LINGO2: variants seen among roughly 807,000 people sequenced by gnomAD.
LINGO2 encodes leucine rich repeat and Ig domain containing 2, also known as leucine-rich repeat and immunoglobulin-like domain-containing nogo receptor-interacting protein 2.
In LINGO2, 14 loss-of-function variants were observed where a neutral mutation model predicts 30.6. The ratio of observed to expected loss-of-function variants is 0.46; its 90% CI spans 0.30 to 0.72. The LOEUF is 0.72. LINGO2 is among the 30% of genes least tolerant of loss of function. LINGO2 has a pLI of 0.07. For synonymous variants in LINGO2, 317 were observed against 288.5 expected, an observed-to-expected ratio of 1.10 and a Z score of -1.00; for missense variants, 729 against 751.7, an observed-to-expected ratio of 0.97 and a Z score of 0.35.
chr9:28,130,075 T>C lies in LINGO2; in HGVS notation c.-86-117670A>G, dbSNP rs1030612793. The stretch of plus-strand genomic sequence containing the variant: ...TTTCAGCGTCTCATGAATATAGTTA[T>C]TGATCTTCAGGTAAACTCTTGGGGA... On this transcript the variant is annotated intron_variant, in intron 4 of 5. Transcript: ENST00000379992. This position sits in a 1 kb window ranked among gnomAD's most constrained non-coding sequence, Gnocchi z 5.2. Among the ~76,000 whole-genome samples the C allele has an allele frequency of 4.6e-5, 7 of 152,236 alleles. No homozygotes were observed. The highest frequency in any genetic ancestry group is 1.0e-4 in the Non-Finnish European group (7 of 68,040).
chr9:28,029,261 C>T (rs779552426), intron 4 of LINGO2, among the ~76,000 whole-genome samples: 7 of 152,070 alleles, frequency 4.6e-5, no homozygotes, highest in Non-Finnish European at 7.4e-5. Context: ...GTATAAAATG[C>T]GAGGTCAGAT....
intron 3 of LINGO2, among the ~76,000 whole-genome samples, chr9:28,333,632 T>C (rs1256916483): frequency 6.6e-6 from 1 of 152,160 alleles, no homozygotes; most frequent in African/African-American, 2.4e-5. Context: ...CAGTCAATCC[T>C]CAAGTGTGCA....
the LINGO2 span, among the ~76,000 whole-genome samples, chr9:29,191,183 A>G: frequency 2.0e-5 from 3 of 152,206 alleles, no homozygotes; most frequent in Non-Finnish European, 4.4e-5. Flanking sequence ...AATTTAAGCA[A>G]GACCCTCAAT....
the LINGO2 span, among the ~76,000 whole-genome samples, chr9:28,860,093 C>A: frequency 9.9e-5 from 15 of 152,002 alleles, no homozygotes; most frequent in African/African-American, 3.4e-4. Flanking sequence ...ATTTCACATT[C>A]CCATAGAAAT....
At chr9:28,882,030 C>G in the LINGO2 span, among the ~76,000 whole-genome samples, 5 of 152,134 alleles carry the variant, frequency 3.3e-5, no homozygotes, top group African/African-American at 1.2e-4. Context: ...CTGAAGCACA[C>G]AGCGGACCAC....
intron 3 of LINGO2, among the ~76,000 whole-genome samples, chr9:28,321,369 A>C (rs1202270398): frequency 2.0e-5 from 3 of 152,184 alleles, no homozygotes; most frequent in Non-Finnish European, 2.9e-5. Flanking sequence ...GCATATAGCC[A>C]GGCAGAAACT....
At chr9:28,409,801 A>G (rs1822674221) in intron 2 of LINGO2, among the ~76,000 whole-genome samples, 1 of 151,942 alleles carries the variant, frequency 6.6e-6, no homozygotes, top group Non-Finnish European at 1.5e-5. Flanking sequence ...GACCTCAGAT[A>G]CCATCTAGCC....
chr9:28,995,004 C>A, the LINGO2 span, among the ~76,000 whole-genome samples: 6 of 151,994 alleles, frequency 3.9e-5, no homozygotes, highest in South Asian at 1.0e-3. Context: ...GCAACAAAAG[C>A]CAAAATTGAC....
the LINGO2 span, among the ~76,000 whole-genome samples, chr9:28,868,299 A>C: frequency 3.3e-5 from 5 of 152,124 alleles, no homozygotes; most frequent in Non-Finnish European, 7.4e-5. Context: ...GGTTTAGTTC[A>C]CTGTCAAAGA....
chr9:28,067,212 A>G (rs1016415759), intron 4 of LINGO2, among the ~76,000 whole-genome samples: 1 of 152,122 alleles, frequency 6.6e-6, no homozygotes, highest in Admixed American at 6.6e-5. Context: ...TATATCAACA[A>G]TATGGGTATC....
At chr9:28,495,566 A>C (rs58042506) in intron 1 of LINGO2, among the ~76,000 whole-genome samples, 1 of 151,816 alleles carries the variant, frequency 6.6e-6, no homozygotes, top group Admixed American at 6.6e-5. Flanking sequence ...GTTCTGTTCC[A>C]TTGGTCTATA....
intron 1 of LINGO2, among the ~76,000 whole-genome samples, chr9:28,512,086 T>A (rs951230252): frequency 1.3e-5 from 2 of 152,082 alleles, no homozygotes; most frequent in Non-Finnish European, 2.9e-5. Context: ...CTCATGTAAC[T>A]TACTTGTGCC....
At chr9:28,262,765 T>C (rs1406898233) in intron 4 of LINGO2, among the ~76,000 whole-genome samples, 2 of 151,984 alleles carry the variant, frequency 1.3e-5, no homozygotes, top group African/African-American at 4.8e-5. Flanking sequence ...ACTAAGTTCT[T>C]ATATATAGGG....
At chr9:28,734,860 C>G in the LINGO2 span, among the ~76,000 whole-genome samples, 1 of 152,110 alleles carries the variant, frequency 6.6e-6, no homozygotes, top group Non-Finnish European at 1.5e-5. Flanking sequence ...TTCATCTTAT[C>G]TAATGTAGAA....
intron 3 of LINGO2, among the ~76,000 whole-genome samples, chr9:28,359,641 GAAAC>G (rs1216681274): frequency 1.3e-5 from 2 of 152,078 alleles, no homozygotes; most frequent in Non-Finnish European, 2.9e-5. Flanking sequence ...ATTTAAAAGA[GAAAC>G]AAATAAGCAG....
At chr9:28,321,097 A>T (rs1825025000) in intron 3 of LINGO2, among the ~76,000 whole-genome samples, 1 of 152,144 alleles carries the variant, frequency 6.6e-6, no homozygotes, top group Non-Finnish European at 1.5e-5. Flanking sequence ...AATCACATTC[A>T]TTCTCACCCT....
At chr9:28,464,395 A>G (rs10733434) in intron 2 of LINGO2, among the ~76,000 whole-genome samples, 111,208 of 152,108 alleles carry the variant, frequency 0.73, 40,772 homozygotes, top group East Asian at 0.83. Context: ...TGGATGAATG[A>G]ACATTCAATC....
At chr9:28,866,918 T>C in the LINGO2 span, among the ~76,000 whole-genome samples, 2 of 152,194 alleles carry the variant, frequency 1.3e-5, no homozygotes, top group Admixed American at 6.6e-5. Flanking sequence ...TTCTGTACTA[T>C]AGTTTATTTT....
At chr9:28,306,303 G>A (rs1393325856) in intron 3 of LINGO2, among the ~76,000 whole-genome samples, 2 of 152,074 alleles carry the variant, frequency 1.3e-5, no homozygotes, top group African/African-American at 4.8e-5. Context: ...AGGAAAGAAG[G>A]ATGGAAGGGA....
Sources: gnomAD v4.1 joint callset for allele counts (sites outside exome capture counted in the v4.1 genomes callset) on GRCh38, gnomAD v4.1.1 for gene constraint, Gnocchi (gnomAD v3.1) non-coding constraint, MANE v1.5 for transcripts, NCBI Gene and HGNC (gene_info 2026-07-23, HGNC 2026-07-21) for gene names.